The following RORA variants were observed in gnomAD, a reference collection of about 807,000 sequenced individuals.
The protein encoded by RORA is RAR related orphan receptor A.
In RORA, 7 loss-of-function variants were observed where a neutral mutation model predicts 69.5. The observed-to-expected ratio is 0.10, with a 90% CI of 0.06 to 0.19. The LOEUF is 0.19. RORA is among the 10% of genes least tolerant of loss of function. RORA has a pLI of 1.00. For synonymous variants in RORA, 261 were observed against 240.8 expected (o/e 1.08, Z -0.78); for missense variants, 457 against 663.0 (o/e 0.69, Z 3.41).
intron 1 of RORA, among the ~76,000 whole-genome samples, chr15:60,770,796 C>T (rs1192064546): frequency 6.6e-6 from 1 of 152,086 alleles, no homozygotes; most frequent in Non-Finnish European, 1.5e-5. Flanking sequence ...CTAGTTTTCA[C>T]GGCTCTTGAT....
intron 1 of RORA, among the ~76,000 whole-genome samples, chr15:61,216,392 T>A (rs1406059748): frequency 6.6e-6 from 1 of 152,198 alleles, no homozygotes; most frequent in Non-Finnish European, 1.5e-5. Context: ...ATGTAAATTA[T>A]TAGATTACAT....
chr15:60,955,572 A>G (rs1248431759), intron 1 of RORA, among the ~76,000 whole-genome samples: 2 of 152,242 alleles, frequency 1.3e-5, no homozygotes, highest in Non-Finnish European at 2.9e-5. Flanking sequence ...TTTTCAAAAG[A>G]TGCTAAATAT....
intron 1 of RORA, among the ~76,000 whole-genome samples, chr15:60,913,559 C>T (rs1172380919): frequency 6.6e-6 from 1 of 152,208 alleles, no homozygotes; most frequent in South Asian, 2.1e-4. Flanking sequence ...AAATGACTTA[C>T]TTCATTCCAG....
intron 2 of RORA, among the ~76,000 whole-genome samples, chr15:60,563,807 G>A (rs1454293191): frequency 2.0e-5 from 3 of 152,054 alleles, no homozygotes; most frequent in Non-Finnish European, 4.4e-5. Context: ...TTCATTCTTG[G>A]TGGTCATTGG....
chr15:60,716,748 A>G (rs552595944), intron 1 of RORA, among the ~76,000 whole-genome samples: 3 of 152,078 alleles, frequency 2.0e-5, no homozygotes, highest in South Asian at 4.1e-4. Context: ...CTGAAGAGAG[A>G]TAATGCTGAT....
intron 1 of RORA, among the ~76,000 whole-genome samples, chr15:61,010,183 T>C (rs1895042989): frequency 6.6e-6 from 1 of 152,202 alleles, no homozygotes; most frequent in African/African-American, 2.4e-5. Context: ...TAAATGTAAA[T>C]CTGCCTTATG....
chr15:60,887,329 C>T (rs1016797085), intron 1 of RORA, among the ~76,000 whole-genome samples: 4 of 152,156 alleles, frequency 2.6e-5, no homozygotes, highest in African/African-American at 9.7e-5. Flanking sequence ...CCTACTCGCA[C>T]TGTCATGCTG....
At chr15:60,838,802 C>G (rs967982790) in intron 1 of RORA, among the ~76,000 whole-genome samples, 6 of 150,152 alleles carry the variant, frequency 4.0e-5, no homozygotes, top group Non-Finnish European at 8.9e-5. Flanking sequence ...TTCAAGGGAG[C>G]ATTTGGCTTT....
chr15:60,585,748 A>G (rs1469153797), intron 2 of RORA, among the ~76,000 whole-genome samples: 1 of 152,226 alleles, frequency 6.6e-6, no homozygotes, highest in Non-Finnish European at 1.5e-5. Flanking sequence ...TTTAAGTTAA[A>G]AATTTTTTTT....
chr15:60,867,526 C>T (rs1026886009), intron 1 of RORA, among the ~76,000 whole-genome samples: 1 of 152,144 alleles, frequency 6.6e-6, no homozygotes, highest in Non-Finnish European at 1.5e-5. Flanking sequence ...GAGAATCTTT[C>T]CTCTTAGGGT....
intron 1 of RORA, among the ~76,000 whole-genome samples, chr15:60,924,534 A>C (rs993607873): frequency 6.6e-6 from 1 of 151,892 alleles, no homozygotes; most frequent in Non-Finnish European, 1.5e-5. Flanking sequence ...CATCCGATTT[A>C]ATGTAATTCT....
At chr15:61,085,047 C>G (rs527953889) in intron 1 of RORA, among the ~76,000 whole-genome samples, 12 of 152,160 alleles carry the variant, frequency 7.9e-5, no homozygotes, top group Admixed American at 3.3e-4. Flanking sequence ...CTCCCTCCCC[C>G]CTTGTTGCTA....
intron 1 of RORA, among the ~76,000 whole-genome samples, chr15:61,134,957 T>C (rs1055182924): frequency 6.6e-6 from 1 of 151,970 alleles, no homozygotes; most frequent in Non-Finnish European, 1.5e-5. Context: ...GCCACTTCCA[T>C]GCCACTATCC....
rs141505647 is a variant in RORA at position 60,876,925 on chromosome 15, C to T, written c.167-198239G>A. ...TGATGAGAACACATGGACACGTAGA[C>T]GGGAACAACACACACTGGGGCCTTT... On this transcript the variant is annotated intron_variant, in intron 1 of 10. Coordinates refer to ENST00000335670, the MANE Select transcript of RORA (RefSeq NM_134261.3). Among the ~76,000 whole-genome samples the T allele has an allele frequency of 1.7e-3, 251 of 152,114 alleles. 2 individuals carry two copies. The highest frequency in any genetic ancestry group is 5.8e-3 in the African/African-American group (241 of 41,502).
intron 1 of RORA, among the ~76,000 whole-genome samples, chr15:61,168,236 G>GTGTA (rs1555416547): frequency 4.6e-5 from 7 of 150,662 alleles, no homozygotes; most frequent in East Asian, 1.9e-4. Flanking sequence ...GTGTGTGTGT[G>GTGTA]TATGTATTTT....
At chr15:61,056,576 A>G (rs1387773220) in intron 1 of RORA, among the ~76,000 whole-genome samples, 1 of 152,224 alleles carries the variant, frequency 6.6e-6, no homozygotes, top group Non-Finnish European at 1.5e-5. Flanking sequence ...CTTTTATGAA[A>G]GCCAAAGATA....
intron 3 of RORA, chr15:60,530,577 A>G (rs1429354658): frequency 6.6e-6 from 1 of 152,236 alleles, no homozygotes; most frequent in Non-Finnish European, 1.5e-5. Context: ...CTAAGATGGG[A>G]TCAACATGAA....
chr15:60,514,556 G>A, intron 4 of RORA, 60 bp downstream of exon 4: 1 of 1,563,920 alleles, frequency 6.4e-7, no homozygotes, highest in Non-Finnish European at 8.8e-7. Flanking sequence ...CTGAGTCCAG[G>A]TTTCAGAAGG....
chr15:60,925,422 A>G (rs183838666), intron 1 of RORA, among the ~76,000 whole-genome samples: 1 of 152,304 alleles, frequency 6.6e-6, no homozygotes, highest in African/African-American at 2.4e-5. Flanking sequence ...TGAGTTACAC[A>G]TATTGTTTGG....
Sources: allele counts gnomAD v4.1 joint callset (sites outside exome capture counted in the v4.1 genomes callset), GRCh38; gene constraint gnomAD v4.1.1; transcripts MANE v1.5; gene names NCBI Gene and HGNC (gene_info 2026-07-23, HGNC 2026-07-21).